The following GFRA1 variants were observed in gnomAD, a reference collection of about 807,000 sequenced individuals.
GFRA1 encodes the protein GDNF family receptor alpha-1.
A neutral mutation model predicts 51.6 loss-of-function variants in GFRA1; 16 were observed. That is an observed-to-expected ratio of 0.31 (90% confidence interval 0.21 to 0.47). GFRA1 has a LOEUF of 0.47. Among genes scored for constraint, GFRA1 ranks in the 20% least tolerant of loss-of-function variants. The pLI, the probability that GFRA1 is intolerant of heterozygous loss-of-function variation, is 1.00. For missense variants in GFRA1, 530 were observed against 594.3 expected (o/e 0.89, Z 1.13); for synonymous variants, 270 against 241.3 (o/e 1.12, Z -1.10).
chr10:116,185,650 G>A (rs1962634446), intron 5 of GFRA1, among the ~76,000 whole-genome samples: 1 of 152,150 alleles, frequency 6.6e-6, no homozygotes, highest in African/African-American at 2.4e-5. Context: ...GCCCCTCCTG[G>A]GATCAGACAG....
At chr10:116,242,471 G>C (rs1486496110) in intron 4 of GFRA1, among the ~76,000 whole-genome samples, 2 of 151,890 alleles carry the variant, frequency 1.3e-5, no homozygotes, top group Non-Finnish European at 2.9e-5. Flanking sequence ...AGAAGAGAAG[G>C]TATCCATAAA....
At chr10:116,269,000 G>T (rs534609092) in intron 4 of GFRA1, among the ~76,000 whole-genome samples, 10 of 152,294 alleles carry the variant, frequency 6.6e-5, no homozygotes, top group Middle Eastern at 3.4e-3. Flanking sequence ...CAAAAGAATT[G>T]TTAACAAATG....
At chr10:116,158,067 C>T (rs77630230) in intron 5 of GFRA1, among the ~76,000 whole-genome samples, 2,219 of 152,314 alleles carry the variant, frequency 0.015, 19 homozygotes, top group Middle Eastern at 0.051. Flanking sequence ...TAGTGGTACA[C>T]GGCTTGTCAT....
chr10:116,117,589 A>ATGGG (rs1957475207), intron 6 of GFRA1, among the ~76,000 whole-genome samples: 6 of 113,788 alleles, frequency 5.3e-5, no homozygotes, highest in South Asian at 2.7e-4. Context: ...GGATGGATGG[A>ATGGG]TGGATGGATG....
intron 4 of GFRA1, among the ~76,000 whole-genome samples, chr10:116,254,449 A>C (rs1164399652): frequency 6.6e-6 from 1 of 151,782 alleles, no homozygotes; most frequent in Non-Finnish European, 1.5e-5. Flanking sequence ...AGGCAGGAGG[A>C]TTGCTTGAAA....
chr10:116,214,141 C>T (rs139528768), intron 4 of GFRA1, among the ~76,000 whole-genome samples: 1 of 152,218 alleles, frequency 6.6e-6, no homozygotes, highest in African/African-American at 2.4e-5. Flanking sequence ...CCATAGTCTG[C>T]ACCAACCACC....
intron 9 of GFRA1, among the ~76,000 whole-genome samples, chr10:116,087,701 C>T (rs1040519271): frequency 2.0e-4 from 30 of 152,074 alleles, no homozygotes; most frequent in African/African-American, 6.3e-4. Flanking sequence ...TTGTCTTTAC[C>T]GACACCAGAA....
At chr10:116,269,989 A>C (rs1843770814) in intron 3 of GFRA1, among the ~76,000 whole-genome samples, 1 of 152,194 alleles carries the variant, frequency 6.6e-6, no homozygotes, top group Non-Finnish European at 1.5e-5. Context: ...GTTGGAAAGC[A>C]GGTACCATGG....
At chr10:116,216,142 C>T (rs1035551509) in intron 4 of GFRA1, among the ~76,000 whole-genome samples, 6 of 152,032 alleles carry the variant, frequency 3.9e-5, no homozygotes, top group Admixed American at 6.6e-5. Flanking sequence ...TAAAAAGACT[C>T]GATTATTTAT....
At chr10:116,085,447 A>T (rs1956056433) in intron 9 of GFRA1, among the ~76,000 whole-genome samples, 1 of 152,200 alleles carries the variant, frequency 6.6e-6, no homozygotes, top group African/African-American at 2.4e-5. Flanking sequence ...CAAGCTGGTT[A>T]AAGTCAGTTC....
intron 4 of GFRA1, among the ~76,000 whole-genome samples, chr10:116,236,903 A>ATT (rs971868607): frequency 6.6e-5 from 10 of 152,256 alleles, no homozygotes; most frequent in African/African-American, 2.4e-4. Context: ...CAACAATAAT[A>ATT]GCAAAAATGT....
chr10:116,264,948 C>T (rs1455208547), intron 4 of GFRA1, among the ~76,000 whole-genome samples: 2 of 152,192 alleles, frequency 1.3e-5, no homozygotes, highest in African/African-American at 4.8e-5. Context: ...CATGACCTGA[C>T]AAGAAAGCAG....
intron 6 of GFRA1, among the ~76,000 whole-genome samples, chr10:116,115,479 T>G (rs544142830): frequency 2.6e-5 from 4 of 152,058 alleles, no homozygotes; most frequent in African/African-American, 9.6e-5. Flanking sequence ...GCACTTCCCT[T>G]CCCAGCCCAG....
At chr10:116,125,129 T>C (rs1957800034) in intron 6 of GFRA1, 92 bp downstream of exon 6, 5 of 1,118,910 alleles carry the variant, frequency 4.5e-6, no homozygotes, top group East Asian at 4.8e-5. Flanking sequence ...TCTACCTTGG[T>C]AGAAGCACAG....
intron 4 of GFRA1, among the ~76,000 whole-genome samples, chr10:116,247,816 T>C (rs1967992221): frequency 6.6e-6 from 1 of 152,150 alleles, no homozygotes. Flanking sequence ...CTCCTCTAGA[T>C]AGAATGCAGC....
intron 5 of GFRA1, among the ~76,000 whole-genome samples, chr10:116,173,511 A>G (rs924383004): frequency 4.6e-5 from 7 of 152,154 alleles, no homozygotes; most frequent in Non-Finnish European, 8.8e-5. Context: ...CATATGGTAC[A>G]CTTTATATTT....
In GFRA1 at chr10:116,245,236, C is replaced by T. The variant is rs533085726; in HGVS notation, c.418+24267G>A. 3.9e-4 allele frequency among the ~76,000 whole-genome samples: 59 copies of T among 152,226 alleles called. 1 individual carries two copies. The highest frequency in any genetic ancestry group is 2.9e-3 in the Admixed American group (44 of 15,294). On this transcript the variant is annotated intron_variant, in intron 4 of 10. Coordinates refer to ENST00000355422, the MANE Select transcript of GFRA1 (RefSeq NM_005264.8). ...CTCTTAAAATGTGACATTAAGAAAA[C>T]GACTCAATTTTTAAAATGAGTAAGA... is the stretch of plus-strand genomic sequence containing the variant.
chr10:116,113,263 C>T (rs1589798822), intron 6 of GFRA1, among the ~76,000 whole-genome samples: 1 of 150,818 alleles, frequency 6.6e-6, no homozygotes, highest in East Asian at 1.9e-4. Flanking sequence ...ATGAGCTGCT[C>T]GATGTTATTT....
intron 9 of GFRA1, among the ~76,000 whole-genome samples, chr10:116,075,357 G>A (rs1309419215): frequency 6.6e-6 from 1 of 152,094 alleles, no homozygotes; most frequent in Non-Finnish European, 1.5e-5. Context: ...ATGCCGCCTC[G>A]GCACAGGCTC....
Sources: allele counts gnomAD v4.1 joint callset (sites outside exome capture counted in the v4.1 genomes callset), GRCh38; gene constraint gnomAD v4.1.1; transcripts MANE v1.5; gene names NCBI Gene and HGNC (gene_info 2026-07-23, HGNC 2026-07-21).